The following CDH12 variants were observed in gnomAD, a reference collection of about 807,000 sequenced individuals.
CDH12 encodes the protein cadherin 12.
Under a neutral mutation model 74.1 loss-of-function variants are expected in CDH12, and 41 were observed. That is an observed-to-expected ratio of 0.55 (90% CI 0.43 to 0.72). The LOEUF (loss-of-function observed/expected upper bound fraction) is 0.72. CDH12 is among the 30% of genes least tolerant of loss of function. CDH12 has a pLI of 0.00. For missense variants in CDH12, 945 were observed against 977.2 expected (o/e 0.97, Z 0.44); for synonymous variants, 399 against 355.0 (o/e 1.12, Z -1.39).
chr5:22,232,486 C>G lies in CDH12; in HGVS notation c.-332-19843G>C, dbSNP rs1015572156. 6.6e-5 allele frequency among the ~76,000 whole-genome samples: 10 copies of G among 151,900 alleles called. 1 individual carries two copies. The East Asian group carries it at 1.9e-3, about 29-fold the overall frequency. ...CTTACTAATAACTGCATAATTAACACAGAATCATTGCATCTAGCAACGATC... is the reference window on the plus strand; with the variant it reads ...CTTACTAATAACTGCATAATTAACAGAGAATCATTGCATCTAGCAACGATC... On this transcript the variant is annotated intron_variant, in intron 3 of 14. Transcript: ENST00000382254.
chr5:22,407,444 C>T (rs551665526), intron 2 of CDH12, among the ~76,000 whole-genome samples: 51 of 152,166 alleles, frequency 3.4e-4, no homozygotes, highest in African/African-American at 1.1e-3. Flanking sequence ...AATACCATTA[C>T]GATATCCTGT....
At chr5:21,800,021 G>A (rs1747021865) in intron 10 of CDH12, among the ~76,000 whole-genome samples, 1 of 152,104 alleles carries the variant, frequency 6.6e-6, no homozygotes, top group South Asian at 2.1e-4. Context: ...AGGTTTAATG[G>A]AGTTTCCCCT....
intron 1 of CDH12, among the ~76,000 whole-genome samples, chr5:22,839,886 C>G (rs1737007226): frequency 6.6e-6 from 1 of 152,018 alleles, no homozygotes. Context: ...GGTAATTTTA[C>G]CTCTAATTTA....
intron 6 of CDH12, among the ~76,000 whole-genome samples, chr5:21,858,577 C>T (rs1307709541): frequency 6.6e-6 from 1 of 151,822 alleles, no homozygotes; most frequent in Non-Finnish European, 1.5e-5. Context: ...GACACAAATG[C>T]ACAGAACGAT....
rs565294049 is a variant in CDH12 at position 21,998,528 on chromosome 5, T to C, written c.232-23143A>G. 3.4e-3 allele frequency among the ~76,000 whole-genome samples: 513 copies of C among 152,224 alleles called. 6 individuals are homozygous for C. Among genetic ancestry groups the C allele is most frequent in the African/African-American group, 0.011 (465 of 41,558 alleles). ...ATGAGAACTAATCCTTTTGTGTTAT[T>C]AATAATTACAATATCAAAGTTTACA... On this transcript the variant is annotated intron_variant, in intron 5 of 14. Coordinates refer to ENST00000382254, the MANE Select transcript of CDH12 (RefSeq NM_004061.5).
intron 3 of CDH12, among the ~76,000 whole-genome samples, chr5:22,354,851 T>C (rs903697716): frequency 2.0e-4 from 31 of 152,322 alleles, no homozygotes; most frequent in African/African-American, 7.2e-4. Context: ...TATACTGGTT[T>C]ATAATTTTCA....
At chr5:22,311,949 T>C (rs1156584758) in intron 3 of CDH12, among the ~76,000 whole-genome samples, 3 of 152,208 alleles carry the variant, frequency 2.0e-5, no homozygotes, top group Non-Finnish European at 4.4e-5. Context: ...GTGGTAACTA[T>C]ATATCAAAAT....
intron 9 of CDH12, among the ~76,000 whole-genome samples, chr5:21,813,294 C>G (rs1161580244): frequency 6.6e-6 from 1 of 152,040 alleles, no homozygotes; most frequent in Admixed American, 6.6e-5. Context: ...GCCTGACAAA[C>G]ATGGTGAAAC....
At chr5:22,316,369 A>C (rs559633932) in intron 3 of CDH12, among the ~76,000 whole-genome samples, 1 of 152,232 alleles carries the variant, frequency 6.6e-6, no homozygotes, top group South Asian at 2.1e-4. Context: ...GTTAAAAATA[A>C]AAAGTTTGTA....
intron 1 of CDH12, among the ~76,000 whole-genome samples, chr5:22,712,550 C>G (rs1743343129): frequency 6.6e-6 from 1 of 152,174 alleles, no homozygotes; most frequent in Admixed American, 6.5e-5. Context: ...CTCTCATTTC[C>G]TCATTACTCC....
At chr5:21,943,712 A>C (rs1361139250) in intron 6 of CDH12, among the ~76,000 whole-genome samples, 4 of 152,200 alleles carry the variant, frequency 2.6e-5, no homozygotes, top group African/African-American at 9.7e-5. Flanking sequence ...AAATTTAATA[A>C]TTATTTGCTT....
chr5:22,728,084 T>A (rs1744251773), intron 1 of CDH12, among the ~76,000 whole-genome samples: 1 of 151,916 alleles, frequency 6.6e-6, no homozygotes, highest in Admixed American at 6.6e-5. Context: ...TCTCTTCTAA[T>A]ATTACTGTCA....
intron 1 of CDH12, among the ~76,000 whole-genome samples, chr5:22,672,453 T>C (rs950578035): frequency 6.6e-6 from 1 of 151,974 alleles, no homozygotes; most frequent in Non-Finnish European, 1.5e-5. Flanking sequence ...AATGCCATTA[T>C]GGGGAGTTGG....
chr5:22,432,346 G>A (rs372168587), intron 2 of CDH12, among the ~76,000 whole-genome samples: 1 of 152,004 alleles, frequency 6.6e-6, no homozygotes, highest in Non-Finnish European at 1.5e-5. Context: ...TTCACAAAAC[G>A]ATGAAATTGC....
chr5:22,269,676 A>G (rs1736293888), intron 3 of CDH12, among the ~76,000 whole-genome samples: 1 of 152,198 alleles, frequency 6.6e-6, no homozygotes, highest in Non-Finnish European at 1.5e-5. Context: ...GAAACTCCAG[A>G]TAAGAGTCCC....
chr5:22,575,646 C>A (rs776522829), intron 1 of CDH12, among the ~76,000 whole-genome samples: 15 of 152,116 alleles, frequency 9.9e-5, no homozygotes, highest in South Asian at 2.1e-4. Context: ...ATCACTACAA[C>A]GTCTGCCTCC....
intron 3 of CDH12, among the ~76,000 whole-genome samples, chr5:22,345,756 G>A (rs915770656): frequency 3.9e-5 from 6 of 151,946 alleles, no homozygotes; most frequent in African/African-American, 9.7e-5. Context: ...ATCAAGATAC[G>A]CTATGTACAA....
chr5:21,918,803 C>G (rs1754223859), intron 6 of CDH12, among the ~76,000 whole-genome samples: 1 of 152,008 alleles, frequency 6.6e-6, no homozygotes, highest in African/African-American at 2.4e-5. Context: ...ATAAATTATA[C>G]CATCATATTG....
At chr5:22,547,566 T>C (rs1738388884) in intron 1 of CDH12, among the ~76,000 whole-genome samples, 1 of 152,208 alleles carries the variant, frequency 6.6e-6, no homozygotes, top group Admixed American at 6.5e-5. Context: ...TTCTGGTGCA[T>C]TCCAAATTTT....
Sources: allele counts gnomAD v4.1 joint callset (sites outside exome capture counted in the v4.1 genomes callset), GRCh38; gene constraint gnomAD v4.1.1; transcripts MANE v1.5; gene names NCBI Gene and HGNC (gene_info 2026-07-23, HGNC 2026-07-21).